PHF20: variants seen among roughly 807,000 people sequenced by gnomAD.
The protein encoded by PHF20 is glioma-expressed antigen 2.
PHF20 carries 23 observed loss-of-function variants against 113.5 expected under a neutral mutation model. That is an observed-to-expected ratio of 0.20 (90% CI 0.15 to 0.29). The LOEUF (loss-of-function observed/expected upper bound fraction) is 0.29. Among genes scored for constraint, PHF20 ranks in the 10% least tolerant of loss-of-function variants. The pLI is 1.00. For missense variants in PHF20, 943 were observed against 1,219.6 expected, an observed-to-expected ratio of 0.77 and a Z score of 3.38; for synonymous variants, 434 against 457.3, an observed-to-expected ratio of 0.95 and a Z score of 0.65.
intron 6 of PHF20, 76 bp from the exon 7 acceptor site, chr20:35,869,362 G>A (rs2054375973): frequency 1.4e-6 from 1 of 700,246 alleles, no homozygotes; most frequent in Non-Finnish European, 2.4e-6. Context: ...ATGTATATAT[G>A]TTTTATTTAT....
chr20:35,912,306 T>C (rs1342948853), intron 10 of PHF20, among the ~76,000 whole-genome samples: 1 of 152,168 alleles, frequency 6.6e-6, no homozygotes, highest in Non-Finnish European at 1.5e-5. Flanking sequence ...GGTGAAGCTA[T>C]TAATTTTGAA....
chr20:35,863,177 T>A lies in PHF20; in HGVS notation c.585T>A (p.Asp195Glu), dbSNP rs1201220840. Reference protein sequence around the residue: ...LKTEKRPKQPDKEGKLICSEK... With the variant: ...LKTEKRPKQPEKEGKLICSEK... ...CAGAAAAGCGACCCAAGCAGCCTGA[T>A]AAAGAAGGAAAGTTAATCTGTTCTG... The change falls in exon 6 of 18, where the codon GAT becomes GAA. Residue 195 changes from aspartate (D) to glutamate (E), a missense_variant. Physicochemically the swap from Asp to Glu is conservative, Grantham distance 45 (BLOSUM62 2). Transcript: ENST00000374012. 1 of 1,613,396 alleles carries A rather than the reference T, an allele frequency of 6.2e-7. No individual in the cohort carries two copies. The highest frequency in any genetic ancestry group is 8.5e-7 in the Non-Finnish European group (1 of 1,179,922).
chr20:35,834,254 T>G (rs1286530868), intron 2 of PHF20, among the ~76,000 whole-genome samples: 1 of 146,760 alleles, frequency 6.8e-6, no homozygotes, highest in Non-Finnish European at 1.5e-5. Flanking sequence ...ATGGTTTTTT[T>G]TTTTTTTTTT....
At chr20:35,798,090 A>C (rs2041703386) in intron 1 of PHF20, among the ~76,000 whole-genome samples, 1 of 152,236 alleles carries the variant, frequency 6.6e-6, no homozygotes, top group African/African-American at 2.4e-5. Flanking sequence ...CCAATAACCT[A>C]TAACTTATTT....
chr20:35,884,672 G>A (rs1386279690), intron 9 of PHF20, among the ~76,000 whole-genome samples: 3 of 152,116 alleles, frequency 2.0e-5, no homozygotes, highest in Non-Finnish European at 4.4e-5. Flanking sequence ...CATCTATGTA[G>A]CATGGGTTAA....
intron 2 of PHF20, among the ~76,000 whole-genome samples, chr20:35,819,667 TG>T (rs879781385): frequency 6.6e-6 from 1 of 152,116 alleles, no homozygotes; most frequent in South Asian, 2.1e-4. Flanking sequence ...TGTGTGTGTG[TG>T]TGTGTGTGTT....
At chr20:35,885,652 T>C (rs991775093) in intron 9 of PHF20, among the ~76,000 whole-genome samples, 3 of 152,014 alleles carry the variant, frequency 2.0e-5, no homozygotes, top group Non-Finnish European at 2.9e-5. Context: ...GTAAGTGATG[T>C]TGTGACCTTT....
At chr20:35,869,599 G>A (rs1167450040) in intron 7 of PHF20, 48 bp downstream of exon 7, 1 of 981,864 alleles carries the variant, frequency 1.0e-6, no homozygotes, top group Non-Finnish European at 1.6e-6. Flanking sequence ...ACGTTGTTTG[G>A]GTCAACTTCC....
Position 35,941,066 on chromosome 20 carries a change from C to A in PHF20, c.2896+19C>A. 1.2e-6 allele frequency: 2 copies of A among 1,604,058 alleles called. No individual in the cohort carries two copies. The highest frequency in any genetic ancestry group is 2.2e-5 in the South Asian group (2 of 90,088). ...TTGGATGGTAGGGCTCCTTCATTGG[C>A]CCCCTGTGCATTGGCATGCAGTCGA... On this transcript the variant is annotated intron_variant, in intron 17 of 17. Transcript: ENST00000374012.
chr20:35,791,584 G>A (rs56225068), intron 1 of PHF20, among the ~76,000 whole-genome samples: 8,043 of 145,124 alleles, frequency 0.055, 337 homozygotes, highest in African/African-American at 0.12. Flanking sequence ...GTGTATATAT[G>A]TATCTTAGAA....
chr20:35,824,798 A>G (rs1217671777), intron 2 of PHF20, among the ~76,000 whole-genome samples: 1 of 152,018 alleles, frequency 6.6e-6, no homozygotes, highest in African/African-American at 2.4e-5. Context: ...GCAAACACGA[A>G]TTTACTTTCC....
intron 4 of PHF20, among the ~76,000 whole-genome samples, chr20:35,849,896 T>G (rs1429548391): frequency 6.6e-6 from 1 of 152,198 alleles, no homozygotes; most frequent in Admixed American, 6.5e-5. Context: ...CTTAATCTCC[T>G]TGGATGTTTT....
chr20:35,889,173 G>A (rs1162644429), intron 9 of PHF20, among the ~76,000 whole-genome samples: 1 of 151,500 alleles, frequency 6.6e-6, no homozygotes, highest in Non-Finnish European at 1.5e-5. Flanking sequence ...ACACCACCAC[G>A]CTCAGCTAAC....
chr20:35,773,754 T>A (rs1156702267), intron 1 of PHF20, among the ~76,000 whole-genome samples: 1 of 152,182 alleles, frequency 6.6e-6, no homozygotes, highest in Non-Finnish European at 1.5e-5. Flanking sequence ...AGCGCTGGAT[T>A]CAAAGTGGAA....
intron 9 of PHF20, among the ~76,000 whole-genome samples, chr20:35,884,172 C>T (rs1339500219): frequency 2.0e-5 from 3 of 152,236 alleles, no homozygotes; most frequent in East Asian, 1.9e-4. Flanking sequence ...CGTAAGTAAG[C>T]GGAAATAGGG....
In PHF20 at chr20:35,905,167, A is replaced by G. The variant is rs148084976; in HGVS notation, c.1561+5519A>G. On this transcript the variant is annotated intron_variant, in intron 10 of 17. Coordinates refer to ENST00000374012, the MANE Select transcript of PHF20 (RefSeq NM_016436.5). The stretch of plus-strand genomic sequence containing the variant: ...AGTGATGATGTAGAGCTAGGTATGC[A>G]TGAGACCAGGCCCTTTCATGTGGGG... Among the ~76,000 whole-genome samples, 137 of 152,272 alleles carry G rather than the reference A, an allele frequency of 9.0e-4. 2 individuals carry two copies. The highest frequency in any genetic ancestry group is 6.8e-3 in the Middle Eastern group (2 of 294).
At chr20:35,937,185 C>A (rs755335055) in intron 15 of PHF20, among the ~76,000 whole-genome samples, 3 of 151,736 alleles carry the variant, frequency 2.0e-5, no homozygotes, top group Admixed American at 2.0e-4. Context: ...AAAGGCCAGT[C>A]GCCAGGCTTG....
At chr20:35,772,502 A>C (rs1055537254) in intron 1 of PHF20, among the ~76,000 whole-genome samples, 9 of 152,178 alleles carry the variant, frequency 5.9e-5, no homozygotes, top group Non-Finnish European at 2.9e-5. Context: ...GTTTTTTAAA[A>C]TTGGCTTTTT....
intron 9 of PHF20, among the ~76,000 whole-genome samples, chr20:35,881,431 C>T (rs933608128): frequency 2.7e-5 from 4 of 150,602 alleles, no homozygotes; most frequent in African/African-American, 7.3e-5. Flanking sequence ...ATCCCAGCTA[C>T]TTGGGAGGCT....
Sources: gnomAD v4.1 joint callset for allele counts (sites outside exome capture counted in the v4.1 genomes callset) on GRCh38, gnomAD v4.1.1 for gene constraint, MANE v1.5 for transcripts, NCBI Gene and HGNC (gene_info 2026-07-23, HGNC 2026-07-21) for gene names.